Variants in ILK observed in about 807,000 individuals in gnomAD.
ILK encodes scaffold protein ILK.
ILK carries 37 observed loss-of-function variants against 57.8 expected under a neutral mutation model. The observed-to-expected ratio is 0.64, with a 90% CI of 0.49 to 0.84. The LOEUF is 0.84. Among genes scored for constraint, ILK ranks in the 40% least tolerant of loss-of-function variants. The pLI is 0.00. For synonymous variants in ILK, 231 were observed against 202.2 expected (o/e 1.14, Z -1.21); for missense variants, 528 against 595.7 (o/e 0.89, Z 1.18).
At chr11:6,605,304 C>T (rs1247363224) in intron 2 of ILK, among the ~76,000 whole-genome samples, 1 of 151,992 alleles carries the variant, frequency 6.6e-6, no homozygotes. Flanking sequence ...GAGAACGTCT[C>T]AGGAGAGTGG....
chr11:6,605,979 G>C (rs1173741977), intron 2 of ILK, among the ~76,000 whole-genome samples: 3 of 152,142 alleles, frequency 2.0e-5, no homozygotes, highest in Non-Finnish European at 4.4e-5. Flanking sequence ...TTCGAGACCA[G>C]CCTGACCAAC....
chr11:6,610,055 C>T lies in ILK; in HGVS notation c.1078+20C>T, dbSNP rs945943350. ...CCGAAGGTGAGTGAAGTCATCATGT[C>T]GGGAGGTAAAAAAGGACCACCTCAG... On this transcript the variant is annotated intron_variant, in intron 11 of 12. Coordinates refer to ENST00000299421, the MANE Select transcript of ILK (RefSeq NM_004517.4). 8.7e-6 allele frequency: 14 copies of T among 1,613,954 alleles called. No homozygotes were observed. The highest frequency in any genetic ancestry group is 1.3e-5 in the African/African-American group (1 of 75,018).
In ILK at chr11:6,610,045, GTCA is replaced by G. The variant is rs1855341486; in HGVS notation, c.1078+15_1078+17del. The G allele has an allele frequency of 6.2e-7, 1 of 1,614,186 alleles. No homozygotes were observed. The highest frequency in any genetic ancestry group is 8.5e-7 in the Non-Finnish European group (1 of 1,180,022). On this transcript the variant is annotated intron_variant, in intron 11 of 12. Transcript: ENST00000299421. ...TGGGTAGCCCCCGAAGGTGAGTGAAGTCATCATGTCGGGAGGTAAAAAAGGACC... is the reference window on the plus strand; with the variant it reads ...TGGGTAGCCCCCGAAGGTGAGTGAAGTCATGTCGGGAGGTAAAAAAGGACC...
chr11:6,607,772 G>A (rs1430970831), intron 2 of ILK: 8 of 483,748 alleles, frequency 1.7e-5, no homozygotes, highest in East Asian at 3.9e-5. Context: ...GAAACCAGGG[G>A]AAGAGCACTA....
rs1427320498 is a variant in ILK, at chr11:6,608,083, C to T, written c.127C>T (p.Arg43Ter). The T allele has an allele frequency of 1.2e-6, 2 of 1,614,108 alleles. No individual in the cohort carries two copies. The highest frequency in any genetic ancestry group is 1.7e-6 in the Non-Finnish European group (2 of 1,180,014). The change falls in exon 3 of 13, where the codon CGA becomes TGA. Residue 43 changes from arginine (R) to a stop codon, truncating the protein, a stop_gained. Coordinates refer to ENST00000299421, the MANE Select transcript of ILK (RefSeq NM_004517.4). LOFTEE classifies it high-confidence loss of function. The surrounding 1 kb of genome is among the most constrained non-coding windows in gnomAD (Gnocchi z 4.9). ...CTTCTCCCCCTTGCACTGGGCCTGCCGAGAGGGCCGCTCTGCTGTGGTTGA... is the reference window on the plus strand; with the variant it reads ...CTTCTCCCCCTTGCACTGGGCCTGCTGAGAGGGCCGCTCTGCTGTGGTTGA... ...HGFSPLHWAC[R>*]EGRSAVVEML...
At chr11:6,604,839 T>C (rs929102799) in intron 2 of ILK, 2 of 457,474 alleles carry the variant, frequency 4.4e-6, no homozygotes, top group South Asian at 1.5e-5. Flanking sequence ...ATAATGAGAT[T>C]GTCCATTTTT....
Position 6,610,510 on chromosome 11 carries a change from C to T in ILK, c.1258C>T (p.His420Tyr), listed in dbSNP as rs1554900107. The T allele has an allele frequency of 2.5e-6, 4 of 1,614,212 alleles. No individual in the cohort carries two copies. Among genetic ancestry groups the T allele is most frequent in the Non-Finnish European group, 3.4e-6 (4 of 1,180,020 alleles). Reference protein sequence around the residue: ...RPTIPPGISPHVCKLMKICMN... With the variant: ...RPTIPPGISPYVCKLMKICMN... ...TACCATCCCACCAGGTATTTCCCCT[C>T]ATGTGTGTAAGCTCATGAAGATCTG... The change falls in exon 13 of 13, where the codon CAT becomes TAT. Residue 420 changes from histidine to tyrosine, a missense_variant. Physicochemically the swap from His to Tyr is moderately conservative, Grantham distance 83. Coordinates refer to ENST00000299421, the MANE Select transcript of ILK (RefSeq NM_004517.4).
chr11:6,610,078 CAGAAG>C, intron 11 of ILK, 43 bp downstream of exon 11: 9 of 1,614,092 alleles, frequency 5.6e-6, no homozygotes, highest in Non-Finnish European at 6.8e-6. Context: ...AGGACCACCT[CAGAAG>C]TAGTGGAAGG....
Position 6,610,014 on chromosome 11 carries a change from C to T in ILK, c.1057C>T (p.Pro353Ser), listed in dbSNP as rs1474632483. ...SFQCPGRMYAPAWVAPEALQK... is the reference protein window; with the variant it reads ...SFQCPGRMYASAWVAPEALQK... ...CCAATGTCCTGGTCGCATGTATGCA[C>T]CTGCCTGGGTAGCCCCCGAAGGTGA... Residue 353 changes from proline (P) to serine (S), a missense_variant, in exon 11 of 13, where the codon CCT becomes TCT. Pro to Ser is a moderately conservative substitution (Grantham distance 74, BLOSUM62 -1). Coordinates refer to ENST00000299421, the MANE Select transcript of ILK (RefSeq NM_004517.4). 3 of 1,614,060 alleles carry T rather than the reference C, an allele frequency of 1.9e-6. No individual in the cohort carries two copies. Among genetic ancestry groups the T allele is most frequent in the South Asian group, 2.2e-5 (2 of 91,088 alleles).
chr11:6,609,045 G>C (rs1855226608), intron 6 of ILK, 26 bp from the exon 7 acceptor site: 1 of 1,612,328 alleles, frequency 6.2e-7, no homozygotes, highest in African/African-American at 1.3e-5. Flanking sequence ...GGTGAAGCTG[G>C]GTACCTGACC....
At chr11:6,610,102 A>G (rs370326372) in intron 11 of ILK, 46 bp from the exon 12 acceptor site, 2 of 1,611,374 alleles carry the variant, frequency 1.2e-6, no homozygotes, top group African/African-American at 2.7e-5. Flanking sequence ...GGGGGCAGAG[A>G]CAGGACAGGC....
chr11:6,610,666 G>A lies in ILK; in HGVS notation c.*55G>A. The A allele has an allele frequency of 1.2e-6, 2 of 1,605,252 alleles. No individual in the cohort carries two copies. The highest frequency in any genetic ancestry group is 1.1e-5 in the South Asian group (1 of 90,650). ...GGTGTCGGGACATGGTTGGGGGAAT[G>A]CACCTCCCCAAAGCAGCAGGCCTCT... On this transcript the variant is annotated 3_prime_UTR_variant, in exon 13 of 13. Coordinates refer to ENST00000299421, the MANE Select transcript of ILK (RefSeq NM_004517.4).
chr11:6,610,506 C>T lies in ILK; in HGVS notation c.1254C>T (p.Ser418=). The T allele has an allele frequency of 1.2e-6, 2 of 1,614,212 alleles. No individual in the cohort carries two copies. The highest frequency in any genetic ancestry group is 2.2e-5 in the East Asian group (1 of 44,880). Residue 418 remains serine (S), a synonymous_variant, in exon 13 of 13, where the codon TCC becomes TCT. Coordinates refer to ENST00000299421, the MANE Select transcript of ILK (RefSeq NM_004517.4). The stretch of plus-strand genomic sequence containing the variant: ...GGCCTACCATCCCACCAGGTATTTC[C>T]CCTCATGTGTGTAAGCTCATGAAGA... ...GLRPTIPPGI[S]PHVCKLMKIC...
intron 9 of ILK, 31 bp from the exon 10 acceptor site, chr11:6,609,693 T>A: frequency 6.2e-7 from 1 of 1,614,194 alleles, no homozygotes; most frequent in Non-Finnish European, 8.5e-7. Context: ...AGGGAGCCTC[T>A]CTGAACTATT....
Position 6,609,521 on chromosome 11 carries a change from G to C in ILK, c.738G>C (p.Ser246=), listed in dbSNP as rs369519432. Residue 246 remains serine, a synonymous_variant, in exon 9 of 13, where the codon TCG becomes TCC. Transcript: ENST00000299421. ...NEECPRLRIF[S]HPNVLPVLGA... ...TCCCTCCCTCTTCTAGGATTTTCTC[G>C]CATCCAAATGTGCTCCCAGTGCTAG... 23 of 1,613,914 alleles carry C rather than the reference G, an allele frequency of 1.4e-5. No homozygotes were observed. Among genetic ancestry groups the C allele is most frequent in the Non-Finnish European group, 1.8e-5 (21 of 1,180,028 alleles).
chr11:6,604,930 G>C (rs1854703457), intron 2 of ILK: 1 of 455,712 alleles, frequency 2.2e-6, no homozygotes, highest in Non-Finnish European at 4.4e-6. Flanking sequence ...ATGATGTCTT[G>C]GACTAGAATT....
intron 1 of ILK, 66 bp from the exon 2 acceptor site, chr11:6,604,114 G>C: frequency 1.4e-6 from 1 of 700,562 alleles, no homozygotes; most frequent in Non-Finnish European, 2.5e-6. Context: ...CTCCTTCACA[G>C]ACCCCCACTA....
chr11:6,610,367 G>A, intron 12 of ILK, 89 bp downstream of exon 12: 8 of 1,613,204 alleles, frequency 5.0e-6, no homozygotes, highest in Non-Finnish European at 6.8e-6. Flanking sequence ...TCACATATTT[G>A]TTCGGATATA....
intron 12 of ILK, 55 bp from the exon 13 acceptor site, chr11:6,610,407 T>A: frequency 1.9e-6 from 3 of 1,613,922 alleles, no homozygotes; most frequent in Non-Finnish European, 1.7e-6. Context: ...GCCAGTGGCT[T>A]CTCTCTACAT....
Sources: allele counts gnomAD v4.1 joint callset (sites outside exome capture counted in the v4.1 genomes callset), GRCh38; gene constraint gnomAD v4.1.1; non-coding constraint Gnocchi (gnomAD v3.1); transcripts MANE v1.5; gene names NCBI Gene and HGNC (gene_info 2026-07-23, HGNC 2026-07-21).